GABRG3: variants seen among roughly 807,000 people sequenced by gnomAD.
GABRG3 encodes the protein gamma-aminobutyric acid type A receptor subunit gamma3, also known as gamma-aminobutyric acid receptor subunit gamma-3.
Under a neutral mutation model 48.8 loss-of-function variants are expected in GABRG3, and 25 were observed. The ratio of observed to expected loss-of-function variants is 0.51; its 90% confidence interval spans 0.37 to 0.72. The LOEUF is 0.72. Ranked by LOEUF, GABRG3 falls within the 30% of genes least tolerant of loss-of-function variation. GABRG3 has a pLI of 0.00. For synonymous variants in GABRG3, 227 were observed against 217.6 expected (o/e 1.04, Z -0.38); for missense variants, 394 against 577.9 (o/e 0.68, Z 3.26).
chr15:27,527,584 C>T lies in GABRG3; in HGVS notation c.1017C>T (p.Tyr339=), dbSNP rs561530336. Reference sequence around the variant, plus strand: ...TGATGGAGTATGCCACCCTCAACTACTATTCCAGCTGTAGAAAACCAACCA... The same window carrying T: ...TGATGGAGTATGCCACCCTCAACTATTATTCCAGCTGTAGAAAACCAACCA... ...AALMEYATLN[Y]YSSCRKPTTT... is the part of the protein sequence containing the mutation. Residue 339 remains tyrosine (Y), a synonymous_variant, in exon 8 of 10, where the codon TAC becomes TAT. Transcript: ENST00000615808. The T allele has an allele frequency of 5.3e-5, 86 of 1,613,428 alleles. No individual in the cohort carries two copies. The South Asian group carries it at 9.3e-4, about 18-fold the overall frequency.
intron 3 of GABRG3, among the ~76,000 whole-genome samples, chr15:27,055,442 T>A (rs1366482066): frequency 6.6e-6 from 1 of 152,176 alleles, no homozygotes; most frequent in Non-Finnish European, 1.5e-5. Flanking sequence ...GCATCCCAAA[T>A]CTGAAAATCG....
intron 3 of GABRG3, among the ~76,000 whole-genome samples, chr15:27,245,309 A>G (rs1161713463): frequency 6.6e-6 from 1 of 152,196 alleles, no homozygotes; most frequent in Admixed American, 6.5e-5. Flanking sequence ...CTGCTTTCTC[A>G]CTTACAAAAG....
At chr15:27,276,748 C>G (rs1054634567) in intron 3 of GABRG3, among the ~76,000 whole-genome samples, 1 of 151,986 alleles carries the variant, frequency 6.6e-6, no homozygotes, top group Non-Finnish European at 1.5e-5. Flanking sequence ...AATGCCTGGT[C>G]CACACAATGC....
In GABRG3 at chr15:27,112,596, ACAG is replaced by A. The variant is rs1897573098; in HGVS notation, c.270+85777_270+85779del. On this transcript the variant is annotated intron_variant, in intron 3 of 9. Transcript: ENST00000615808. ...GCTGGGACTACTGGTGCCCCCCACC[ACAG>A]CCGCTAATTTTTGTATTTTTAGTGG... Among the ~76,000 whole-genome samples the A allele has an allele frequency of 2.0e-5, 3 of 151,866 alleles. No homozygotes were observed. In the South Asian group the frequency reaches 6.3e-4, roughly 32 times the overall value.
chr15:27,382,160 C>T (rs953370652), intron 5 of GABRG3, among the ~76,000 whole-genome samples: 4 of 152,158 alleles, frequency 2.6e-5, no homozygotes, highest in Admixed American at 2.6e-4. Context: ...TATTGAGTCT[C>T]TAATGTGCTA....
chr15:27,520,310 T>A (rs1041251727), intron 7 of GABRG3, among the ~76,000 whole-genome samples, 186 bp downstream of exon 7: 1 of 152,164 alleles, frequency 6.6e-6, no homozygotes, highest in African/African-American at 2.4e-5. Flanking sequence ...TGGGATTCTA[T>A]GTATGCCACT....
chr15:27,333,782 C>T (rs113800372), intron 5 of GABRG3, among the ~76,000 whole-genome samples: 2,498 of 152,272 alleles, frequency 0.016, 71 homozygotes, highest in African/African-American at 0.056. Flanking sequence ...GGAGAATCTA[C>T]ACAGCAGAAC....
chr15:27,324,848 A>G (rs756776248), intron 3 of GABRG3, among the ~76,000 whole-genome samples: 5 of 152,114 alleles, frequency 3.3e-5, no homozygotes, highest in Non-Finnish European at 5.9e-5. Flanking sequence ...AAGTATAGGT[A>G]TTTGGGCCCT....
intron 9 of GABRG3, among the ~76,000 whole-genome samples, chr15:27,531,969 C>T (rs1040884937): frequency 6.6e-6 from 1 of 152,182 alleles, no homozygotes; most frequent in African/African-American, 2.4e-5. Context: ...AGCCACCTCA[C>T]ACTGAAAGCT....
chr15:27,261,575 GA>G (rs1890770246), intron 3 of GABRG3, among the ~76,000 whole-genome samples: 1 of 150,356 alleles, frequency 6.7e-6, no homozygotes, highest in East Asian at 1.9e-4. Context: ...GTATGTAATT[GA>G]ATATGAAGGT....
At chr15:27,241,391 G>A (rs1003047934) in intron 3 of GABRG3, among the ~76,000 whole-genome samples, 1 of 152,172 alleles carries the variant, frequency 6.6e-6, no homozygotes, top group African/African-American at 2.4e-5. Context: ...TTCTAGAACT[G>A]TTATACAAAC....
In GABRG3 at chr15:26,976,489, A is replaced by G. The variant is rs951228615; in HGVS notation, c.54-513A>G. Among the ~76,000 whole-genome samples the G allele has an allele frequency of 6.6e-6, 1 of 152,152 alleles. No individual in the cohort carries two copies. Among genetic ancestry groups the G allele is most frequent in the African/African-American group, 2.4e-5 (1 of 41,438 alleles). Reference sequence around the variant, plus strand: ...ACAATGCTCAAGTGCCTAGACCCCCAGATTCCCGCCTCCAAGAGAAGCACT... The same window carrying G: ...ACAATGCTCAAGTGCCTAGACCCCCGGATTCCCGCCTCCAAGAGAAGCACT... On this transcript the variant is annotated intron_variant, in intron 1 of 9. Coordinates refer to ENST00000615808, the MANE Select transcript of GABRG3 (RefSeq NM_033223.5). The surrounding 1 kb of genome is among the most constrained non-coding windows in gnomAD (Gnocchi z 7.8).
At chr15:27,052,133 G>A (rs777870291) in intron 3 of GABRG3, among the ~76,000 whole-genome samples, 6 of 152,158 alleles carry the variant, frequency 3.9e-5, no homozygotes, top group Non-Finnish European at 7.4e-5. Flanking sequence ...CACAGATCGG[G>A]CGTTGGGGCC....
chr15:27,256,440 CA>C lies in GABRG3; in HGVS notation c.271-70354del, dbSNP rs532681313. ...TGGGCGACAGAGCAAGACTCCGTCT[CA>C]AAAAAAAAAAAAAAGAAAACAAACC... On this transcript the variant is annotated intron_variant, in intron 3 of 9. Coordinates refer to ENST00000615808, the MANE Select transcript of GABRG3 (RefSeq NM_033223.5). Among the ~76,000 whole-genome samples the C allele has an allele frequency of 5.6e-3, 228 of 41,030 alleles. 1 individual carries two copies. The highest frequency in any genetic ancestry group is 0.013 in the Admixed American group (36 of 2,718). 26.9% of individuals were successfully genotyped at this position (41,030 alleles called of 152,430 possible).
intron 5 of GABRG3, among the ~76,000 whole-genome samples, chr15:27,480,045 G>A (rs1345461502): frequency 6.6e-6 from 1 of 152,210 alleles, no homozygotes; most frequent in Non-Finnish European, 1.5e-5. Flanking sequence ...CATGATCTAG[G>A]CAGTCACCAA....
rs534683045 is a variant in GABRG3 at position 27,349,969 on chromosome 15, A to AAC, written c.574+21082_574+21083dup. On this transcript the variant is annotated intron_variant, in intron 5 of 9. Coordinates refer to ENST00000615808, the MANE Select transcript of GABRG3 (RefSeq NM_033223.5). ...TTCTTCAGTGACAATAACAAAAAAA[A>AAC]ACCTAACTTTCCCATCGGTACTCAC... Among the ~76,000 whole-genome samples the AAC allele has an allele frequency of 8.0e-4, 120 of 150,322 alleles. 2 individuals are homozygous for AAC. The highest frequency in any genetic ancestry group is 2.5e-3 in the African/African-American group (102 of 40,718).
At chr15:27,325,768 G>A (rs994514505) in intron 3 of GABRG3, among the ~76,000 whole-genome samples, 5 of 152,118 alleles carry the variant, frequency 3.3e-5, no homozygotes, top group Non-Finnish European at 2.9e-5. Context: ...GTTAATGAAA[G>A]ACCAGTTGAA....
At chr15:27,141,140 T>C (rs1898095159) in intron 3 of GABRG3, among the ~76,000 whole-genome samples, 3 of 152,182 alleles carry the variant, frequency 2.0e-5, no homozygotes, top group Admixed American at 2.0e-4. Flanking sequence ...CCTTTGTGAT[T>C]GTGGGAGAAT....
Position 27,532,936 on chromosome 15 carries a change from G to A in GABRG3, c.*55G>A, listed in dbSNP as rs894145289. 97 of 1,556,046 alleles carry A rather than the reference G, an allele frequency of 6.2e-5. No homozygotes were observed. Among genetic ancestry groups the A allele is most frequent in the African/African-American group, 3.6e-4 (27 of 74,006 alleles). ...TTTGGTACACACTTGACCTTCTGTCGTCCCCAGACCAGTAGTGACCAATCG... is the reference window on the plus strand; with the variant it reads ...TTTGGTACACACTTGACCTTCTGTCATCCCCAGACCAGTAGTGACCAATCG... On this transcript the variant is annotated 3_prime_UTR_variant, in exon 10 of 10. Transcript: ENST00000615808.
Sources: allele counts gnomAD v4.1 joint callset (sites outside exome capture counted in the v4.1 genomes callset), GRCh38; gene constraint gnomAD v4.1.1; non-coding constraint Gnocchi (gnomAD v3.1); transcripts MANE v1.5; gene names NCBI Gene and HGNC (gene_info 2026-07-23, HGNC 2026-07-21).